Variants in ORC6 observed in about 807,000 individuals in gnomAD.
The protein encoded by ORC6 is origin recognition complex subunit 6.
Under a neutral mutation model 30.0 loss-of-function variants are expected in ORC6, and 31 were observed. The observed-to-expected ratio is 1.03, with a 90% CI of 0.78 to 1.40. The LOEUF is 1.40. Among genes scored for constraint, ORC6 ranks in the 40% most tolerant of loss-of-function variants. The pLI is 0.00. For missense variants in ORC6, 340 were observed against 304.3 expected (o/e 1.12, Z -0.87); for synonymous variants, 136 against 111.2 (o/e 1.22, Z -1.40).
intron 4 of ORC6, chr16:46,693,730 G>A (rs907010058): frequency 1.9e-5 from 3 of 157,524 alleles, no homozygotes; most frequent in African/African-American, 7.3e-5. Context: ...GCTCACTGGA[G>A]CCTAGGAGTT....
At chr16:46,696,156 T>G (rs781606656) in intron 6 of ORC6, 71 bp downstream of exon 6, 13 of 1,094,404 alleles carry the variant, frequency 1.2e-5, no homozygotes, top group Non-Finnish European at 1.7e-5. Context: ...CTCTAGCAGC[T>G]TGCCTGACAG....
At chr16:46,696,271 G>A (rs1376904968) in intron 6 of ORC6, 186 bp downstream of exon 6, 1 of 640,240 alleles carries the variant, frequency 1.6e-6, no homozygotes, top group Non-Finnish European at 2.8e-6. Context: ...TAAGAATATG[G>A]CTGGTCTGGC....
Position 46,693,103 on chromosome 16 carries a change from A to G in ORC6, c.370A>G (p.Ser124Gly). 6.2e-7 allele frequency: 1 copy of G among 1,606,778 alleles called. No homozygotes were observed. The highest frequency in any genetic ancestry group is 8.5e-7 in the Non-Finnish European group (1 of 1,173,290). The change falls in exon 4 of 7, where the codon AGT becomes GGT. Residue 124 changes from serine to glycine, a missense_variant. Physicochemically the swap from Ser to Gly is moderately conservative, Grantham distance 56. Transcript: ENST00000219097. ...TAACTTCTCCTTTAGCTATGAGTCC[A>G]GTCTTCCCCAGACACAGCAAGTGGA... Reference protein sequence around the residue: ...ASKILKSYESSLPQTQQVDLD... With the variant: ...ASKILKSYESGLPQTQQVDLD...
intron 6 of ORC6, among the ~76,000 whole-genome samples, chr16:46,696,534 T>C (rs1318837768): frequency 2.6e-5 from 4 of 152,256 alleles, no homozygotes; most frequent in Non-Finnish European, 5.9e-5. Context: ...TAGGTTCCAG[T>C]TTGCTTATAA....
In ORC6 at chr16:46,689,771, G is replaced by A; in HGVS notation, c.65+1G>A. 1 of 1,593,298 alleles carries A rather than the reference G, an allele frequency of 6.3e-7. No homozygotes were observed. Among genetic ancestry groups the A allele is most frequent in the Non-Finnish European group, 8.5e-7 (1 of 1,171,276 alleles). ...GCCTCGCCGAGCCCGACATGCTGAG[G>A]TGAGTTCGGCCGCGCAAGACCAGGG... On this transcript the variant is annotated splice_donor_variant, in intron 1 of 6. Coordinates refer to ENST00000219097, the MANE Select transcript of ORC6 (RefSeq NM_014321.4). LOFTEE classifies it high-confidence loss of function.
chr16:46,692,124 TTG>T (rs1305728451), intron 2 of ORC6, among the ~76,000 whole-genome samples: 1 of 152,058 alleles, frequency 6.6e-6, no homozygotes. Context: ...TATATTAATA[TTG>T]TGTTATAATT....
chr16:46,695,303 T>C (rs1359735482), intron 4 of ORC6: 1 of 443,704 alleles, frequency 2.3e-6, no homozygotes, highest in Non-Finnish European at 4.1e-6. Flanking sequence ...TAAAGAGTTC[T>C]AAAAGTCATG....
Position 46,693,236 on chromosome 16 carries a change from C to T in ORC6, c.449+54C>T, listed in dbSNP as rs749446553. ...GTTACCAATTTACAAGTGGGTTTTTCATCCCCAAGGAATACTTCTAACTTA... is the reference window on the plus strand; with the variant it reads ...GTTACCAATTTACAAGTGGGTTTTTTATCCCCAAGGAATACTTCTAACTTA... On this transcript the variant is annotated intron_variant, in intron 4 of 6. Coordinates refer to ENST00000219097, the MANE Select transcript of ORC6 (RefSeq NM_014321.4). 5 of 1,078,868 alleles carry T rather than the reference C, an allele frequency of 4.6e-6. No individual in the cohort carries two copies. In the East Asian group the frequency reaches 9.4e-5, roughly 20 times the overall value. The allele number at this position is 1,078,868 out of a possible 1,614,324, so 66.8% of individuals were successfully genotyped here.
At chr16:46,693,324 C>T (rs1177363503) in intron 4 of ORC6, 142 bp downstream of exon 4, 21 of 669,150 alleles carry the variant, frequency 3.1e-5, no homozygotes. Flanking sequence ...GGCCAAGTGA[C>T]TATATTCCCA....
chr16:46,689,687 T>A lies in ORC6; in HGVS notation c.-19T>A. 6 of 1,596,328 alleles carry A rather than the reference T, an allele frequency of 3.8e-6. No individual in the cohort carries two copies. Among genetic ancestry groups the A allele is most frequent in the Non-Finnish European group, 5.1e-6 (6 of 1,171,196 alleles). On this transcript the variant is annotated 5_prime_UTR_variant, in exon 1 of 7. Transcript: ENST00000219097. ...GACCCGCGGCGTTCACGGGAATTGT[T>A]CGCTTTAGTGCCGGCGCCATGGGGT... is the stretch of plus-strand genomic sequence containing the variant.
At position 46,691,065 on chromosome 16, in the gene ORC6, G is replaced by A. The variant is rs958892400; in HGVS notation, c.140G>A (p.Ser47Asn). The A allele has an allele frequency of 2.5e-6, 4 of 1,614,120 alleles. No homozygotes were observed. The highest frequency in any genetic ancestry group is 3.4e-6 in the Non-Finnish European group (4 of 1,180,026). Residue 47 changes from serine (S) to asparagine (N), a missense_variant, in exon 2 of 7, where the codon AGT becomes AAT. Physicochemically the swap from Ser to Asn is conservative, Grantham distance 46 (BLOSUM62 1). Coordinates refer to ENST00000219097, the MANE Select transcript of ORC6 (RefSeq NM_014321.4). ...GLSARTTETS[S>N]AVMCLDLAAS... ...TCCGCACGCACCACGGAGACCAGCA[G>A]TGCAGTCATGTGCCTGGACCTTGCA...
Position 46,692,423 on chromosome 16 carries a change from T to C in ORC6, c.237T>C (p.Tyr79=), listed in dbSNP as rs748032792. The change falls in exon 3 of 7, where the codon TAT becomes TAC. Residue 79 remains tyrosine, a synonymous_variant. Transcript: ENST00000219097. ...TTTCTGGTTTGAACAAGGAGACATA[T>C]CAGAGCTGTCTTAAATCTTTTGAGT... The part of the protein sequence containing the change: ...IKLSGLNKET[Y]QSCLKSFECL... 3 of 1,613,818 alleles carry C rather than the reference T, an allele frequency of 1.9e-6. No individual in the cohort carries two copies. The highest frequency in any genetic ancestry group is 2.7e-5 in the African/African-American group (2 of 74,936).
rs539860826 is a variant in ORC6 at position 46,697,403 on chromosome 16, A to T, written c.632-55A>T. Reference sequence around the variant, plus strand: ...AATTTAAACAAGTTTACCTTTTTTTAAATTTCATTTCTAAGCTAAGAATTT... The same window carrying T: ...AATTTAAACAAGTTTACCTTTTTTTTAATTTCATTTCTAAGCTAAGAATTT... On this transcript the variant is annotated intron_variant, in intron 6 of 6. Transcript: ENST00000219097. The T allele has an allele frequency of 2.1e-4, 313 of 1,493,652 alleles. 2 individuals are homozygous for T. The African/African-American group carries it at 3.9e-3, about 19-fold the overall frequency. 92.5% of individuals were successfully genotyped at this position (1,493,652 alleles called of 1,614,324 possible).
At position 46,694,750 on chromosome 16, in the gene ORC6, A is replaced by G. The variant is rs114132221; in HGVS notation, c.450-812A>G. The stretch of plus-strand genomic sequence containing the variant: ...TAAATTATCACATCTGAATCTTACA[A>G]TTGTGGGTTATCTATGTGTATGCTG... On this transcript the variant is annotated intron_variant, in intron 4 of 6. Transcript: ENST00000219097. 8.5e-3 allele frequency among the ~76,000 whole-genome samples: 1,290 copies of G among 152,182 alleles called. 25 individuals are homozygous for G. Among genetic ancestry groups the G allele is most frequent in the African/African-American group, 0.029 (1,221 of 41,528 alleles).
At chr16:46,692,638 G>T in intron 3 of ORC6, 93 bp downstream of exon 3, 1 of 1,097,978 alleles carries the variant, frequency 9.1e-7, no homozygotes, top group Middle Eastern at 2.9e-4. Context: ...GGGAGGCCAA[G>T]TTGGGTGGAT....
rs373813142 is a variant in ORC6 at position 46,691,229 on chromosome 16, G to C, written c.195+109G>C. ...AAACTCTTGTTTTAGAATTGTCCTG[G>C]GTATTCTTGTGTGTTATTCTGGAAA... On this transcript the variant is annotated intron_variant, in intron 2 of 6. Coordinates refer to ENST00000219097, the MANE Select transcript of ORC6 (RefSeq NM_014321.4). The C allele has an allele frequency of 7.8e-6, 8 of 1,022,252 alleles. No individual in the cohort carries two copies. In the African/African-American group the frequency reaches 1.3e-4, roughly 16 times the overall value. The allele number at this position is 1,022,252 out of a possible 1,614,324, so 63.3% of individuals were successfully genotyped here.
Position 46,697,526 on chromosome 16 carries a change from G to A in ORC6, c.700G>A (p.Glu234Lys). ...TGAAGATCTGACACAGGATTATGAA[G>A]AATGGAAAAGAAAAATTTTGGAAAA... ...KDEDLTQDYE[E>K]WKRKILENAA... The change falls in exon 7 of 7, where the codon GAA becomes AAA. Residue 234 changes from glutamate to lysine, a missense_variant. By Grantham distance (56) the Glu-to-Lys change is moderately conservative. Coordinates refer to ENST00000219097, the MANE Select transcript of ORC6 (RefSeq NM_014321.4). The A allele has an allele frequency of 6.2e-7, 1 of 1,613,902 alleles. No individual in the cohort carries two copies. Among genetic ancestry groups the A allele is most frequent in the African/African-American group, 1.3e-5 (1 of 75,010 alleles).
At chr16:46,695,791 G>A (rs1004098702) in intron 5 of ORC6, 117 bp downstream of exon 5, 2 of 774,552 alleles carry the variant, frequency 2.6e-6, no homozygotes, top group East Asian at 2.7e-5. Flanking sequence ...ATTACATGTG[G>A]ACCAGGTATG....
chr16:46,693,641 A>C (rs1449165646), intron 4 of ORC6: 1 of 154,508 alleles, frequency 6.5e-6, no homozygotes, highest in African/African-American at 2.6e-5. Flanking sequence ...TCTCTTAAGA[A>C]AAAAAAAAAA....
Sources: gnomAD v4.1 joint callset for allele counts (sites outside exome capture counted in the v4.1 genomes callset) on GRCh38, gnomAD v4.1.1 for gene constraint, MANE v1.5 for transcripts, NCBI Gene and HGNC (gene_info 2026-07-23, HGNC 2026-07-21) for gene names.